Variants in ALLC observed in about 807,000 individuals in gnomAD.
ALLC encodes the protein allantoicase, also known as probable inactive allantoicase.
In ALLC, 40 loss-of-function variants were observed where a neutral mutation model predicts 45.0. The ratio of observed to expected loss-of-function variants is 0.89; its 90% confidence interval spans 0.69 to 1.16. The LOEUF (loss-of-function observed/expected upper bound fraction) is 1.16. Ranked by LOEUF, ALLC falls within the 50% of genes most tolerant of loss-of-function variation. The pLI is 0.00. For missense variants in ALLC, 488 were observed against 493.1 expected, an observed-to-expected ratio of 0.99 and a Z score of 0.10; for synonymous variants, 176 against 178.1, an observed-to-expected ratio of 0.99 and a Z score of 0.09.
chr2:3,684,856 T>C (rs759377313), intron 7 of ALLC, among the ~76,000 whole-genome samples: 2 of 152,188 alleles, frequency 1.3e-5, no homozygotes, highest in Admixed American at 6.5e-5. Flanking sequence ...CATGAAATGT[T>C]TTAACACAGG....
intron 2 of ALLC, among the ~76,000 whole-genome samples, chr2:3,671,989 A>G (rs1290429428): frequency 1.8e-5 from 2 of 110,064 alleles, no homozygotes; most frequent in Admixed American, 1.6e-4. Context: ...GGCTCTATTT[A>G]GATCCGAGGT....
At chr2:3,650,709 C>T in the ALLC span, among the ~76,000 whole-genome samples, 5 of 152,340 alleles carry the variant, frequency 3.3e-5, no homozygotes, top group Admixed American at 6.5e-5. Flanking sequence ...GTACAAACAC[C>T]TCTGCCTCCA....
At chr2:3,647,254 T>C in the ALLC span, among the ~76,000 whole-genome samples, 1 of 152,120 alleles carries the variant, frequency 6.6e-6, no homozygotes, top group Non-Finnish European at 1.5e-5. Flanking sequence ...TTCAGTCAAC[T>C]TTGCTCTAGT....
chr2:3,660,363 C>A (rs185626597), intron 1 of ALLC, among the ~76,000 whole-genome samples: 1 of 152,138 alleles, frequency 6.6e-6, no homozygotes, highest in Non-Finnish European at 1.5e-5. Context: ...GCCAAGTAAA[C>A]CCCTTTTTTT....
At chr2:3,647,461 G>C in the ALLC span, among the ~76,000 whole-genome samples, 6 of 152,100 alleles carry the variant, frequency 3.9e-5, no homozygotes, top group Non-Finnish European at 8.8e-5. Context: ...CTGCCGCAGA[G>C]TATTCCAGAG....
At chr2:3,695,585 T>G (rs541499114) in intron 7 of ALLC, 132 bp from the exon 8 acceptor site, 5 of 959,464 alleles carry the variant, frequency 5.2e-6, no homozygotes, top group Non-Finnish European at 7.9e-6. Context: ...CTTGTTGTAT[T>G]TGAGAAACAG....
At chr2:3,679,725 C>A in intron 4 of ALLC, 144 bp from the exon 5 acceptor site, 1 of 1,095,446 alleles carries the variant, frequency 9.1e-7, no homozygotes, top group Non-Finnish European at 1.3e-6. Flanking sequence ...GTCATATTAG[C>A]TAAGAACCGC....
intron 1 of ALLC, among the ~76,000 whole-genome samples, chr2:3,670,147 C>T (rs922889437): frequency 1.3e-5 from 2 of 152,120 alleles, no homozygotes; most frequent in East Asian, 1.9e-4. Flanking sequence ...GTGCTCCTGA[C>T]CACAGACTAT....
At chr2:3,681,526 C>T in intron 5 of ALLC, 108 bp from the exon 6 acceptor site, 1 of 681,896 alleles carries the variant, frequency 1.5e-6, no homozygotes, top group South Asian at 2.1e-5. Context: ...TTCGAAATAT[C>T]TTTAGTGTTA....
At chr2:3,663,789 C>G (rs1209894323) in intron 1 of ALLC, among the ~76,000 whole-genome samples, 2 of 152,178 alleles carry the variant, frequency 1.3e-5, no homozygotes, top group Non-Finnish European at 2.9e-5. Context: ...AATAATGGAT[C>G]CTTTTCTATA....
In ALLC at chr2:3,679,897, G is replaced by A. The variant is rs769807402; in HGVS notation, c.201G>A (p.Gly67=). 18 of 1,613,966 alleles carry A rather than the reference G, an allele frequency of 1.1e-5. No individual in the cohort carries two copies. The highest frequency in any genetic ancestry group is 1.7e-5 in the Admixed American group (1 of 60,028). Residue 67 remains glycine, a synonymous_variant, in exon 5 of 12, where the codon GGG becomes GGA. Transcript: ENST00000252505. ...PGHDWCVLRL[G]IQGVIRGFDV... ...ACGACTGGTGTGTCCTCAGGCTGGG[G>A]ATCCAAGGAGTCATCCGGGGCTTCG... is the stretch of plus-strand genomic sequence containing the variant.
At chr2:3,667,956 G>T (rs116399284) in intron 1 of ALLC, among the ~76,000 whole-genome samples, 4,817 of 152,206 alleles carry the variant, frequency 0.032, 126 homozygotes, top group Non-Finnish European at 0.046. Context: ...GTAGAGATGG[G>T]GTTTCTCTAT....
chr2:3,701,595 C>A lies in ALLC; in HGVS notation c.934C>A (p.Leu312Ile), dbSNP rs1667837082. The stretch of plus-strand genomic sequence containing the variant: ...AGCCGTGATCAGGCAAAAGTGGATT[C>A]TCCCGGCCCACAAGTGGAAACCACT... ...EEAVIRQKWI[L>I]PAHKWKPLLP... Residue 312 changes from leucine (L) to isoleucine (I), a missense_variant, in exon 11 of 12, where the codon CTC (leucine) becomes ATC (isoleucine). By Grantham distance (5) the Leu-to-Ile change is conservative. Coordinates refer to ENST00000252505, the MANE Select transcript of ALLC (RefSeq NM_018436.4). 1.2e-6 allele frequency: 2 copies of A among 1,610,608 alleles called. No individual in the cohort carries two copies. Among genetic ancestry groups the A allele is most frequent in the African/African-American group, 2.7e-5 (2 of 74,872 alleles).
intron 7 of ALLC, chr2:3,688,442 T>C (rs1667388146): frequency 1.7e-5 from 3 of 179,470 alleles, no homozygotes; most frequent in East Asian, 1.9e-4. Context: ...GGAGTGGTAG[T>C]GATTGCATAG....
chr2:3,685,782 T>C (rs1240354620), intron 7 of ALLC, among the ~76,000 whole-genome samples: 1 of 151,176 alleles, frequency 6.6e-6, no homozygotes, highest in African/African-American at 2.4e-5. Context: ...TTGTATGCCT[T>C]CTTTTGAGAA....
chr2:3,681,665 C>G lies in ALLC; in HGVS notation c.330C>G (p.Thr110=). The G allele has an allele frequency of 1.2e-6, 2 of 1,610,908 alleles. No homozygotes were observed. Among genetic ancestry groups the G allele is most frequent in the South Asian group, 2.2e-5 (2 of 90,254 alleles). The stretch of plus-strand genomic sequence containing the variant: ...TACCAGAAATCCCAGAAAGAGGAAC[C>G]AGGACAGGAGCTGCAGCCACTCCTG... ...DKLPEIPERG[T]RTGAAATPEE... is the part of the protein sequence containing the mutation. Residue 110 remains threonine, a synonymous_variant, in exon 6 of 12, where the codon ACC becomes ACG. Coordinates refer to ENST00000252505, the MANE Select transcript of ALLC (RefSeq NM_018436.4).
At chr2:3,677,632 G>T (rs1051390295) in intron 3 of ALLC, among the ~76,000 whole-genome samples, 1 of 152,146 alleles carries the variant, frequency 6.6e-6, no homozygotes, top group African/African-American at 2.4e-5. Context: ...TGCCTGGGAG[G>T]CTGGGCAGGT....
intron 1 of ALLC, among the ~76,000 whole-genome samples, chr2:3,660,196 TAGG>T (rs927574059): frequency 6.6e-6 from 1 of 152,140 alleles, no homozygotes; most frequent in South Asian, 2.1e-4. Flanking sequence ...AGCTGCTTGT[TAGG>T]AGGAGCCTGG....
chr2:3,699,473 A>G (rs1288911893), intron 10 of ALLC, among the ~76,000 whole-genome samples: 1 of 152,192 alleles, frequency 6.6e-6, no homozygotes, highest in Non-Finnish European at 1.5e-5. Flanking sequence ...ATACATGTGC[A>G]TGTCTTTATG....
Sources: allele counts gnomAD v4.1 joint callset (sites outside exome capture counted in the v4.1 genomes callset), GRCh38; gene constraint gnomAD v4.1.1; transcripts MANE v1.5; gene names NCBI Gene and HGNC (gene_info 2026-07-23, HGNC 2026-07-21).